The following ABRAXAS1 variants were observed in gnomAD, a reference collection of about 807,000 sequenced individuals.
The protein encoded by ABRAXAS1 is abraxas 1, BRCA1 A complex subunit.
A neutral mutation model predicts 38.4 loss-of-function variants in ABRAXAS1; 26 were observed. That is an observed-to-expected ratio of 0.68 (90% confidence interval 0.50 to 0.94). The LOEUF (loss-of-function observed/expected upper bound fraction) is 0.94. Ranked by LOEUF, ABRAXAS1 falls within the 40% of genes least tolerant of loss-of-function variation. ABRAXAS1 has a pLI of 0.00. For missense variants in ABRAXAS1, 438 were observed against 481.9 expected (o/e 0.91, Z 0.85); for synonymous variants, 144 against 165.5 (o/e 0.87, Z 1.00).
chr4:83,465,299 CAAAAAAAAAA>C lies in ABRAXAS1; in HGVS notation c.682-1701_682-1692del, dbSNP rs35072866. The stretch of plus-strand genomic sequence containing the variant: ...CAGGCGACACACTGAGACTCTGTCT[CAAAAAAAAAA>C]AAAAAAAAAAGAAGAAACTAAAAAC... On this transcript the variant is annotated intron_variant, in intron 7 of 8. Coordinates refer to ENST00000321945, the MANE Select transcript of ABRAXAS1 (RefSeq NM_139076.3). 2.8e-4 allele frequency among the ~76,000 whole-genome samples: 25 copies of C among 88,210 alleles called. 1 individual carries two copies. Among genetic ancestry groups the C allele is most frequent in the Non-Finnish European group, 3.9e-4 (18 of 45,764 alleles). The allele number at this position is 88,210 out of a possible 152,430, so 57.9% of individuals were successfully genotyped here.
intron 2 of ABRAXAS1, among the ~76,000 whole-genome samples, chr4:83,476,960 C>T (rs758785818): frequency 3.2e-4 from 49 of 152,146 alleles, no homozygotes; most frequent in Non-Finnish European, 5.0e-4. Context: ...CTCTAAATAA[C>T]GGTCTAATAA....
intron 2 of ABRAXAS1, chr4:83,478,143 A>G (rs1722854503): frequency 1.3e-6 from 1 of 773,426 alleles, no homozygotes; most frequent in South Asian, 1.3e-5. Context: ...GGAATGATGG[A>G]AGACACAACT....
At chr4:83,467,394 T>C in intron 7 of ABRAXAS1, 60 bp downstream of exon 7, 1 of 945,006 alleles carries the variant, frequency 1.1e-6, no homozygotes, top group Non-Finnish European at 1.7e-6. Flanking sequence ...AAAATGTCAG[T>C]CATTAACTTG....
chr4:83,475,235 A>G (rs1722722092), intron 3 of ABRAXAS1, among the ~76,000 whole-genome samples: 1 of 152,220 alleles, frequency 6.6e-6, no homozygotes, highest in African/African-American at 2.4e-5. Context: ...TTCCTCAGTC[A>G]TCTAACAAAT....
chr4:83,460,936 A>C lies in ABRAXAS1; in HGVS notation c.*1533T>G, dbSNP rs761549292. On this transcript the variant is annotated 3_prime_UTR_variant, in exon 9 of 9. Transcript: ENST00000321945. The stretch of plus-strand genomic sequence containing the variant: ...AAAAAATTGCAAACTTTAAATATTG[A>C]CATTTTTTATGAATAAGAAAGCTTT... 1 of 1,565,400 alleles carries C rather than the reference A, an allele frequency of 6.4e-7. No homozygotes were observed.
At chr4:83,463,015 A>G in intron 8 of ABRAXAS1, 113 bp from the exon 9 acceptor site, 1 of 694,294 alleles carries the variant, frequency 1.4e-6, no homozygotes, top group Non-Finnish European at 2.3e-6. Flanking sequence ...TGTATTATCT[A>G]AAGTGAGGAT....
intron 5 of ABRAXAS1, chr4:83,469,836 G>A (rs1256275651): frequency 6.2e-6 from 1 of 161,694 alleles, no homozygotes; most frequent in Admixed American, 6.3e-5. Flanking sequence ...GGACCATCAA[G>A]AGCTACTTTG....
Position 83,469,125 on chromosome 4 carries a change from A to G in ABRAXAS1, c.503T>C (p.Val168Ala), listed in dbSNP as rs1722489404. 1 of 1,613,986 alleles carries G rather than the reference A, an allele frequency of 6.2e-7. No homozygotes were observed. The highest frequency in any genetic ancestry group is 8.5e-7 in the Non-Finnish European group (1 of 1,179,908). The change falls in exon 6 of 9, where the codon GTT (valine) becomes GCT (alanine). Residue 168 changes from valine to alanine, a missense_variant. Val to Ala is a moderately conservative substitution (Grantham distance 64). Coordinates refer to ENST00000321945, the MANE Select transcript of ABRAXAS1 (RefSeq NM_139076.3). ...TTGTTCAGACATGCCCAGATTGGCA[A>G]CCACTAAAGGTACCCTGTGAAAAAG... is the stretch of plus-strand genomic sequence containing the variant. ...KGLFHRVPLV[V>A]ANLGMSEQLG...
chr4:83,484,545 G>T (rs1391395862), intron 1 of ABRAXAS1, among the ~76,000 whole-genome samples: 4 of 152,110 alleles, frequency 2.6e-5, no homozygotes, highest in Non-Finnish European at 4.4e-5. Flanking sequence ...TCCTACCATC[G>T]CAACAAACAC....
At chr4:83,477,964 A>G in intron 2 of ABRAXAS1, 1 of 905,810 alleles carries the variant, frequency 1.1e-6, no homozygotes. Flanking sequence ...TGCAGGCTCA[A>G]GGAAGTTTGT....
chr4:83,480,492 T>C, intron 2 of ABRAXAS1: 1 of 219,778 alleles, frequency 4.6e-6, no homozygotes, highest in Non-Finnish European at 9.4e-6. Context: ...CTAAGGAAAC[T>C]AATGAGAGTT....
chr4:83,480,101 G>A, intron 2 of ABRAXAS1: 1 of 231,330 alleles, frequency 4.3e-6, no homozygotes, highest in Non-Finnish European at 8.8e-6. Context: ...GGGCATGGTG[G>A]CTCACGCCTG....
intron 2 of ABRAXAS1, among the ~76,000 whole-genome samples, chr4:83,481,451 C>T (rs970444958): frequency 2.6e-5 from 4 of 152,294 alleles, no homozygotes; most frequent in Non-Finnish European, 4.4e-5. Flanking sequence ...TTCCCCATTA[C>T]GCTCCAGAAA....
intron 7 of ABRAXAS1, among the ~76,000 whole-genome samples, chr4:83,466,572 G>T (rs1722366712): frequency 6.9e-6 from 1 of 145,308 alleles, no homozygotes; most frequent in African/African-American, 2.5e-5. Flanking sequence ...GTCTCGTTCT[G>T]TTGCCCAGGC....
chr4:83,459,884 A>G lies in ABRAXAS1; in HGVS notation c.*2585T>C. The G allele has an allele frequency of 9.2e-7, 1 of 1,087,104 alleles. No homozygotes were observed. Among genetic ancestry groups the G allele is most frequent in the South Asian group, 1.5e-5 (1 of 67,352 alleles). 67.3% of individuals were successfully genotyped at this position (1,087,104 alleles called of 1,614,324 possible). On this transcript the variant is annotated 3_prime_UTR_variant, in exon 9 of 9. Coordinates refer to ENST00000321945, the MANE Select transcript of ABRAXAS1 (RefSeq NM_139076.3). Reference sequence around the variant, plus strand: ...TCATTTAAGAAAACTCAAATTTTCAAATTGTGCTATAAATTACTACTAGAT... The same window carrying G: ...TCATTTAAGAAAACTCAAATTTTCAGATTGTGCTATAAATTACTACTAGAT...
intron 5 of ABRAXAS1, 168 bp downstream of exon 5, chr4:83,470,035 A>G (rs1391806172): frequency 6.0e-6 from 3 of 497,904 alleles, no homozygotes; most frequent in Non-Finnish European, 1.1e-5. Context: ...TTGTCTGACC[A>G]TTATTTTCCC....
At position 83,463,838 on chromosome 4, in the gene ABRAXAS1, A is replaced by G. The variant is rs556064555; in HGVS notation, c.682-230T>C. ...TTTTCACATGTAACTTCTCATTTATACAGCTTTTATCATGCCAGTTAGTTC... is the reference window on the plus strand; with the variant it reads ...TTTTCACATGTAACTTCTCATTTATGCAGCTTTTATCATGCCAGTTAGTTC... On this transcript the variant is annotated intron_variant, in intron 7 of 8. Coordinates refer to ENST00000321945, the MANE Select transcript of ABRAXAS1 (RefSeq NM_139076.3). The G allele has an allele frequency of 4.1e-4, 127 of 312,764 alleles. 1 individual carries two copies. The highest frequency in any genetic ancestry group is 1.6e-3 in the African/African-American group (74 of 46,624). The allele number at this position is 312,764 out of a possible 1,614,324, so 19.4% of individuals were successfully genotyped here.
In ABRAXAS1 at chr4:83,463,441, A is replaced by G. The variant is rs1578123076; in HGVS notation, c.796+53T>C. On this transcript the variant is annotated intron_variant, in intron 8 of 8. Transcript: ENST00000321945. Reference sequence around the variant, plus strand: ...GAGCGAGACTCCGTCTCAAAAATAAATAAATAAATAAAAATTTTTAGCACA... The same window carrying G: ...GAGCGAGACTCCGTCTCAAAAATAAGTAAATAAATAAAAATTTTTAGCACA... The G allele has an allele frequency of 3.8e-6, 5 of 1,325,726 alleles. No homozygotes were observed. The South Asian group carries it at 5.1e-5, about 14-fold the overall frequency. The allele number at this position is 1,325,726 out of a possible 1,614,324, so 82.1% of individuals were successfully genotyped here.
At chr4:83,476,884 C>A (rs1399387895) in intron 2 of ABRAXAS1, among the ~76,000 whole-genome samples, 1 of 152,154 alleles carries the variant, frequency 6.6e-6, no homozygotes, top group Non-Finnish European at 1.5e-5. Context: ...AGTGGCTCAC[C>A]CAATCCAGTG....
Sources: gnomAD v4.1 joint callset for allele counts (sites outside exome capture counted in the v4.1 genomes callset) on GRCh38, gnomAD v4.1.1 for gene constraint, MANE v1.5 for transcripts, NCBI Gene and HGNC (gene_info 2026-07-23, HGNC 2026-07-21) for gene names.